The following ARHGAP42 variants were observed in gnomAD, a reference collection of about 807,000 sequenced individuals.
The protein encoded by ARHGAP42 is Rho GTPase activating protein 42.
Under a neutral mutation model 125.0 loss-of-function variants are expected in ARHGAP42, and 63 were observed. The ratio of observed to expected loss-of-function variants is 0.50; its 90% CI spans 0.41 to 0.62. The LOEUF (loss-of-function observed/expected upper bound fraction) is 0.62, where lower values mean the gene tolerates loss of function less well. Ranked by LOEUF, ARHGAP42 falls within the 20% of genes least tolerant of loss-of-function variation. ARHGAP42 has a pLI of 0.00. For missense variants in ARHGAP42, 766 were observed against 1,024.2 expected, an observed-to-expected ratio of 0.75 and a Z score of 3.44; for synonymous variants, 339 against 351.0, an observed-to-expected ratio of 0.97 and a Z score of 0.38.
chr11:100,959,992 C>T (rs1355906437), intron 13 of ARHGAP42, 47 bp downstream of exon 13: 3 of 1,481,202 alleles, frequency 2.0e-6, no homozygotes, highest in Non-Finnish European at 1.8e-6. Context: ...GTGTCTCATT[C>T]TTACATGGAA....
At chr11:100,730,294 T>C (rs774426418) in intron 1 of ARHGAP42, among the ~76,000 whole-genome samples, 1 of 152,138 alleles carries the variant, frequency 6.6e-6, no homozygotes, top group African/African-American at 2.4e-5. Flanking sequence ...ATCTTTCTAC[T>C]CTCTGCTAAG....
intron 4 of ARHGAP42, among the ~76,000 whole-genome samples, chr11:100,886,577 G>T (rs953029570): frequency 1.3e-5 from 2 of 152,156 alleles, no homozygotes; most frequent in African/African-American, 4.8e-5. Flanking sequence ...TCATCACAAA[G>T]AATTAGCTTT....
At chr11:100,858,752 T>C (rs1392850597) in intron 3 of ARHGAP42, among the ~76,000 whole-genome samples, 1 of 152,150 alleles carries the variant, frequency 6.6e-6, no homozygotes, top group Non-Finnish European at 1.5e-5. Flanking sequence ...TCAGTTGTCA[T>C]AGTGGTAGAA....
At chr11:100,798,416 C>T (rs768586830) in intron 3 of ARHGAP42, among the ~76,000 whole-genome samples, 5 of 152,210 alleles carry the variant, frequency 3.3e-5, no homozygotes, top group Non-Finnish European at 7.3e-5. Flanking sequence ...GCAACCACCA[C>T]CCTGATCAGT....
In ARHGAP42 at chr11:100,978,978, A is replaced by G. The variant is rs767407787; in HGVS notation, c.2394-9A>G. 4.2e-5 allele frequency: 65 copies of G among 1,551,354 alleles called. No individual in the cohort carries two copies. Among genetic ancestry groups the G allele is most frequent in the Non-Finnish European group, 5.6e-5 (64 of 1,146,772 alleles). On this transcript the variant is annotated splice_polypyrimidine_tract_variant and intron_variant, in intron 21 of 23. Coordinates refer to ENST00000298815, the MANE Select transcript of ARHGAP42 (RefSeq NM_152432.4). ...CTTCATGAAACTTGCATTTTAAATC[A>G]TTTTTCAGAGTGGCAGCAAAAGCTC...
chr11:100,908,853 C>T (rs540328668), intron 4 of ARHGAP42, among the ~76,000 whole-genome samples: 1 of 152,254 alleles, frequency 6.6e-6, no homozygotes, highest in East Asian at 1.9e-4. Context: ...TTTATATTTC[C>T]ACCAGCAGGG....
chr11:100,859,705 A>G (rs1865399771), intron 4 of ARHGAP42, 80 bp downstream of exon 4: 5 of 1,155,712 alleles, frequency 4.3e-6, no homozygotes, highest in Middle Eastern at 3.0e-4. Flanking sequence ...AACATTTTTG[A>G]AATTAGAATG....
intron 3 of ARHGAP42, among the ~76,000 whole-genome samples, chr11:100,820,962 T>G (rs1864391452): frequency 6.6e-6 from 1 of 152,054 alleles, no homozygotes; most frequent in African/African-American, 2.4e-5. Flanking sequence ...GTTTGTTTGT[T>G]TGTTTGTTTT....
At chr11:100,903,744 A>ATATATATATATATATC (rs1866637602) in intron 4 of ARHGAP42, among the ~76,000 whole-genome samples, 1 of 114,026 alleles carries the variant, frequency 8.8e-6, no homozygotes, top group Non-Finnish European at 1.8e-5. Flanking sequence ...ATATATATAT[A>ATATATATATATATATC]TATATATATA....
intron 4 of ARHGAP42, among the ~76,000 whole-genome samples, chr11:100,863,587 C>T (rs1865500921): frequency 6.6e-6 from 1 of 152,138 alleles, no homozygotes; most frequent in Non-Finnish European, 1.5e-5. Flanking sequence ...AAGCATTGTT[C>T]ATCTGTGAGA....
At chr11:100,731,446 G>T (rs898761889) in intron 1 of ARHGAP42, among the ~76,000 whole-genome samples, 3 of 152,132 alleles carry the variant, frequency 2.0e-5, no homozygotes, top group Non-Finnish European at 4.4e-5. Flanking sequence ...ACTGTGCCCG[G>T]CCATCATTAT....
At chr11:100,771,483 A>G (rs917627200) in intron 2 of ARHGAP42, among the ~76,000 whole-genome samples, 17 of 152,156 alleles carry the variant, frequency 1.1e-4, no homozygotes, top group African/African-American at 4.1e-4. Flanking sequence ...ATATTTATGT[A>G]TATTTTAGAG....
At chr11:100,915,853 T>G (rs1258864548) in intron 5 of ARHGAP42, among the ~76,000 whole-genome samples, 1 of 152,118 alleles carries the variant, frequency 6.6e-6, no homozygotes, top group Admixed American at 6.5e-5. Context: ...GTAGCTTGGG[T>G]TCCCCCCTCC....
intron 1 of ARHGAP42, among the ~76,000 whole-genome samples, chr11:100,702,648 C>T (rs12288075): frequency 0.51 from 75,304 of 146,462 alleles, 20,236 homozygotes; most frequent in African/African-American, 0.69. Context: ...TAGAAACATC[C>T]AGGTGCCTAG....
At chr11:100,889,864 C>A (rs553407154) in intron 4 of ARHGAP42, among the ~76,000 whole-genome samples, 1 of 152,090 alleles carries the variant, frequency 6.6e-6, no homozygotes, top group Non-Finnish European at 1.5e-5. Context: ...CCACCTTGTT[C>A]ACCTTCCCAA....
intron 2 of ARHGAP42, among the ~76,000 whole-genome samples, chr11:100,786,777 TTTCTC>T (rs1863446908): frequency 6.6e-6 from 1 of 152,166 alleles, no homozygotes; most frequent in South Asian, 2.1e-4. Flanking sequence ...TAGCAGCCAC[TTTCTC>T]TTATGGGGCA....
At chr11:100,892,474 C>G (rs1866243019) in intron 4 of ARHGAP42, among the ~76,000 whole-genome samples, 1 of 151,620 alleles carries the variant, frequency 6.6e-6, no homozygotes, top group Non-Finnish European at 1.5e-5. Flanking sequence ...AAGTGACACT[C>G]TGGTCTTATC....
chr11:100,819,538 C>G (rs1384480795), intron 3 of ARHGAP42, among the ~76,000 whole-genome samples: 1 of 152,024 alleles, frequency 6.6e-6, no homozygotes, highest in Admixed American at 6.6e-5. Flanking sequence ...GGAGAGGTAC[C>G]ATAGTGATTA....
At chr11:100,699,333 C>A (rs1047974454) in intron 1 of ARHGAP42, among the ~76,000 whole-genome samples, 5 of 151,450 alleles carry the variant, frequency 3.3e-5, no homozygotes, top group African/African-American at 1.2e-4. Flanking sequence ...CTAACTCTTC[C>A]CATTTTTCAC....
Sources: gnomAD v4.1 joint callset for allele counts (sites outside exome capture counted in the v4.1 genomes callset) on GRCh38, gnomAD v4.1.1 for gene constraint, MANE v1.5 for transcripts, NCBI Gene and HGNC (gene_info 2026-07-23, HGNC 2026-07-21) for gene names.